Variants in PDE8B observed in about 807,000 individuals in gnomAD.
PDE8B encodes the protein high affinity cAMP-specific and IBMX-insensitive 3',5'-cyclic phosphodiesterase 8B.
Under a neutral mutation model 101.3 loss-of-function variants are expected in PDE8B, and 26 were observed. That is an observed-to-expected ratio of 0.26 (90% CI 0.19 to 0.36). The LOEUF (loss-of-function observed/expected upper bound fraction) is 0.36, where lower values mean the gene tolerates loss of function less well. Among genes scored for constraint, PDE8B ranks in the 10% least tolerant of loss-of-function variants. PDE8B has a pLI of 1.00. For synonymous variants in PDE8B, 424 were observed against 429.3 expected (o/e 0.99, Z 0.15); for missense variants, 810 against 1,163.1 (o/e 0.70, Z 4.42).
chr5:77,206,599 G>A (rs1747519519), upstream of PDE8B, among the ~76,000 whole-genome samples: 1 of 152,180 alleles, frequency 6.6e-6, no homozygotes, highest in South Asian at 2.1e-4. Context: ...TGAGGAGGCT[G>A]GTGCGGCTGG....
chr5:77,288,839 C>CTGT (rs1766622195), intron 1 of PDE8B, among the ~76,000 whole-genome samples: 3 of 128,348 alleles, frequency 2.3e-5, no homozygotes, highest in African/African-American at 8.6e-5. Flanking sequence ...CTGCCCCCAT[C>CTGT]TTTTTTTTTT....
In PDE8B at chr5:77,286,664, A is replaced by G. The variant is rs76917317; in HGVS notation, c.340-25330A>G. Among the ~76,000 whole-genome samples the G allele has an allele frequency of 2.6e-3, 396 of 152,352 alleles. 2 individuals are homozygous for G. Among genetic ancestry groups the G allele is most frequent in the African/African-American group, 8.3e-3 (344 of 41,588 alleles). ...TAGGAATTTACTCGTTCTTACTGGAAGAGGACCCCAGTTCATTGACATTAA... is the reference window on the plus strand; with the variant it reads ...TAGGAATTTACTCGTTCTTACTGGAGGAGGACCCCAGTTCATTGACATTAA... On this transcript the variant is annotated intron_variant, in intron 1 of 21. Transcript: ENST00000264917.
intron 1 of PDE8B, among the ~76,000 whole-genome samples, chr5:77,271,567 CT>C (rs887051183): frequency 6.6e-6 from 1 of 151,930 alleles, no homozygotes; most frequent in African/African-American, 2.4e-5. Flanking sequence ...ATGTGAAGAA[CT>C]TTTTTTTAAG....
At chr5:77,343,415 T>A (rs1045777286) in intron 6 of PDE8B, among the ~76,000 whole-genome samples, 2 of 152,246 alleles carry the variant, frequency 1.3e-5, no homozygotes, top group Non-Finnish European at 2.9e-5. Context: ...GTAGAGCATG[T>A]TACTGTACTG....
Position 77,312,064 on chromosome 5 carries a change from T to C in PDE8B, c.399+11T>C. The C allele has an allele frequency of 1.3e-6, 2 of 1,596,578 alleles. No individual in the cohort carries two copies. The highest frequency in any genetic ancestry group is 1.7e-6 in the Non-Finnish European group (2 of 1,163,964). ...CAGGACCCTATTCAGGTACGCCTCC[T>C]TTACTCAGCCCTGTGACTCAGATTA... On this transcript the variant is annotated intron_variant, in intron 2 of 21. Transcript: ENST00000264917.
In PDE8B at chr5:77,419,762, T is replaced by C; in HGVS notation, c.2130-5T>C. ...ACAAGCCCCTTTGTCTTGTGGTTAT[T>C]TTAGGAACCATTATCGAACGCTGCG... On this transcript the variant is annotated splice_region_variant and splice_polypyrimidine_tract_variant and intron_variant, in intron 18 of 21. Coordinates refer to ENST00000264917, the MANE Select transcript of PDE8B (RefSeq NM_003719.5). 2 of 1,613,926 alleles carry C rather than the reference T, an allele frequency of 1.2e-6. No individual in the cohort carries two copies. The highest frequency in any genetic ancestry group is 1.7e-6 in the Non-Finnish European group (2 of 1,179,876).
At chr5:77,329,091 T>A in intron 4 of PDE8B, 34 bp downstream of exon 4, 1 of 1,521,884 alleles carries the variant, frequency 6.6e-7, no homozygotes. Flanking sequence ...ATGGAAGGAG[T>A]ACTGTTCATT....
At chr5:77,405,461 G>T (rs1285978304) in intron 12 of PDE8B, among the ~76,000 whole-genome samples, 1 of 152,166 alleles carries the variant, frequency 6.6e-6, no homozygotes, top group African/African-American at 2.4e-5. Context: ...TATTTTAATG[G>T]AGATGGCTAG....
the PDE8B span, among the ~76,000 whole-genome samples, chr5:77,101,270 C>T: frequency 6.6e-6 from 1 of 151,874 alleles, no homozygotes; most frequent in Non-Finnish European, 1.5e-5. Context: ...TGCACCAGGT[C>T]AATTTTTTTC....
chr5:77,364,597 G>T (rs1383737196), intron 10 of PDE8B, among the ~76,000 whole-genome samples: 1 of 152,144 alleles, frequency 6.6e-6, no homozygotes, highest in East Asian at 1.9e-4. Flanking sequence ...AAGAAAGTAT[G>T]CATTTACTCA....
At chr5:77,299,087 A>G (rs1004463174) in intron 1 of PDE8B, among the ~76,000 whole-genome samples, 2 of 152,320 alleles carry the variant, frequency 1.3e-5, no homozygotes, top group East Asian at 1.9e-4. Context: ...TCTCTGCACC[A>G]TCACCATTTC....
intron 12 of PDE8B, among the ~76,000 whole-genome samples, chr5:77,405,434 GAGA>G (rs1381594880): frequency 1.3e-5 from 2 of 152,194 alleles, no homozygotes; most frequent in African/African-American, 4.8e-5. Flanking sequence ...GGGGGTTAAG[GAGA>G]AGATGATGAA....
the PDE8B span, among the ~76,000 whole-genome samples, chr5:77,152,938 G>GTCCC: frequency 6.6e-6 from 1 of 152,224 alleles, no homozygotes; most frequent in African/African-American, 2.4e-5. Context: ...ACACGTCTGA[G>GTCCC]TCCCAATTGT....
chr5:77,319,650 A>G (rs1774588715), intron 2 of PDE8B, among the ~76,000 whole-genome samples: 1 of 152,254 alleles, frequency 6.6e-6, no homozygotes, highest in African/African-American at 2.4e-5. Context: ...AAGTTAGTGA[A>G]TGCAAGTTCA....
the PDE8B span, among the ~76,000 whole-genome samples, chr5:77,172,130 T>G: frequency 6.6e-6 from 1 of 152,142 alleles, no homozygotes. Flanking sequence ...GATAGATGAA[T>G]GCGTGGATGG....
intron 12 of PDE8B, 78 bp downstream of exon 12, chr5:77,404,875 C>T (rs764747834): frequency 1.8e-5 from 16 of 884,080 alleles, no homozygotes; most frequent in East Asian, 1.8e-4. Flanking sequence ...AATTCATCAG[C>T]GTATAAACTC....
chr5:77,132,899 C>T, the PDE8B span, among the ~76,000 whole-genome samples: 9 of 152,276 alleles, frequency 5.9e-5, no homozygotes, highest in African/African-American at 1.9e-4. Context: ...ATAGTTTAGA[C>T]GGATATGGAA....
At chr5:77,422,105 CCTGGAAGA>C in intron 20 of PDE8B, 117 bp downstream of exon 20, 1 of 1,141,816 alleles carries the variant, frequency 8.8e-7, no homozygotes, top group East Asian at 2.6e-5. Context: ...ACCACTCCTC[CCTGGAAGA>C]AAGCAGCTTA....
intron 1 of PDE8B, chr5:77,290,337 G>T: frequency 6.8e-7 from 1 of 1,475,314 alleles, no homozygotes. Context: ...AGAGGAAAAT[G>T]AGGGCGTGTA....
Sources: gnomAD v4.1 joint callset for allele counts (sites outside exome capture counted in the v4.1 genomes callset) on GRCh38, gnomAD v4.1.1 for gene constraint, MANE v1.5 for transcripts, NCBI Gene and HGNC (gene_info 2026-07-23, HGNC 2026-07-21) for gene names.